The following PDS5B variants were observed in gnomAD, a reference collection of about 807,000 sequenced individuals.
PDS5B encodes the protein sister chromatid cohesion protein PDS5 homolog B.
Under a neutral mutation model 184.1 loss-of-function variants are expected in PDS5B, and 51 were observed. That is an observed-to-expected ratio of 0.28 (90% confidence interval 0.22 to 0.35). PDS5B has a LOEUF of 0.35. PDS5B is among the 10% of genes least tolerant of loss of function. PDS5B has a pLI of 1.00. For synonymous variants in PDS5B, 566 were observed against 569.2 expected, an observed-to-expected ratio of 0.99 and a Z score of 0.08; for missense variants, 1,180 against 1,723.3, an observed-to-expected ratio of 0.68 and a Z score of 5.58.
intron 24 of PDS5B, among the ~76,000 whole-genome samples, chr13:32,751,182 C>T (rs1041479516): frequency 6.6e-6 from 1 of 152,168 alleles, no homozygotes; most frequent in Non-Finnish European, 1.5e-5. Context: ...CAGCTCCATC[C>T]ATATTGCTGC....
At chr13:32,723,205 G>GA (rs1217744842) in intron 19 of PDS5B, among the ~76,000 whole-genome samples, 1 of 151,970 alleles carries the variant, frequency 6.6e-6, no homozygotes, top group Non-Finnish European at 1.5e-5. Context: ...ATTGTTGGTT[G>GA]AAAAAAATGT....
intron 3 of PDS5B, among the ~76,000 whole-genome samples, chr13:32,657,256 T>C (rs192450640): frequency 1.8e-3 from 276 of 152,352 alleles, no homozygotes; most frequent in Middle Eastern, 3.4e-3. Flanking sequence ...TGTGTGTTCC[T>C]TTGTTGGATG....
intron 19 of PDS5B, among the ~76,000 whole-genome samples, chr13:32,722,114 G>T (rs1474823619): frequency 2.6e-5 from 4 of 152,258 alleles, no homozygotes; most frequent in Non-Finnish European, 4.4e-5. Flanking sequence ...CGGCACCTTG[G>T]GAGGCCGAGG....
At chr13:32,611,235 A>T (rs2058137046) in intron 1 of PDS5B, among the ~76,000 whole-genome samples, 1 of 151,812 alleles carries the variant, frequency 6.6e-6, no homozygotes, top group Non-Finnish European at 1.5e-5. Context: ...GTTTTACCTC[A>T]TTTCTCATTT....
chr13:32,767,108 C>T, intron 31 of PDS5B, among the ~76,000 whole-genome samples: 1 of 152,078 alleles, frequency 6.6e-6, no homozygotes, highest in South Asian at 2.1e-4. Context: ...GTTACCAAAT[C>T]TTTTACTATG....
chr13:32,736,822 A>G (rs922265880), intron 21 of PDS5B, among the ~76,000 whole-genome samples: 2 of 151,440 alleles, frequency 1.3e-5, no homozygotes, highest in Non-Finnish European at 2.9e-5. Context: ...CAGCCTCCTC[A>G]TGCTTCAGTT....
In PDS5B at chr13:32,696,586, A is replaced by G. The variant is rs556345021; in HGVS notation, c.1552-268A>G. Among the ~76,000 whole-genome samples, 16 of 151,834 alleles carry G rather than the reference A, an allele frequency of 1.1e-4. No individual in the cohort carries two copies. The South Asian group carries it at 3.3e-3, about 32-fold the overall frequency. On this transcript the variant is annotated intron_variant, in intron 14 of 34. Transcript: ENST00000315596. ...CAAAACCCCAAAATACGTACCTGTT[A>G]CAAAATGTAGTGCAGCTGTCTGATT...
At chr13:32,631,921 A>G (rs2140576244) in intron 1 of PDS5B, among the ~76,000 whole-genome samples, 1 of 152,338 alleles carries the variant, frequency 6.6e-6, no homozygotes, top group Admixed American at 6.5e-5. Flanking sequence ...CTGAATCAAA[A>G]TTTCTAGAGG....
intron 17 of PDS5B, among the ~76,000 whole-genome samples, chr13:32,702,304 G>A (rs1389632427): frequency 6.6e-6 from 1 of 152,076 alleles, no homozygotes; most frequent in Admixed American, 6.6e-5. Flanking sequence ...TCTTGTATCG[G>A]TTTTCATTTG....
chr13:32,648,898 C>G lies in PDS5B; in HGVS notation c.108+18C>G, dbSNP rs368958350. The stretch of plus-strand genomic sequence containing the variant: ...GATTAAAGGTGAGTAAAATTCTATT[C>G]TTTTTTACATCTGTGTAGGGCAGAG... On this transcript the variant is annotated intron_variant, in intron 2 of 34. Coordinates refer to ENST00000315596, the MANE Select transcript of PDS5B (RefSeq NM_015032.4). 9.4e-7 allele frequency: 1 copy of G among 1,067,784 alleles called. No individual in the cohort carries two copies. The allele number at this position is 1,067,784 out of a possible 1,614,324, so 66.1% of individuals were successfully genotyped here. A position where few individuals can be genotyped will look rare whatever the true frequency, so the allele number is the denominator to read the frequency against.
intron 20 of PDS5B, among the ~76,000 whole-genome samples, chr13:32,734,837 C>G: frequency 6.6e-6 from 1 of 152,098 alleles, no homozygotes. Context: ...ATTGGTGAGC[C>G]CTAGCAGTCT....
intron 1 of PDS5B, among the ~76,000 whole-genome samples, chr13:32,631,433 T>C (rs2058454041): frequency 6.6e-6 from 1 of 152,194 alleles, no homozygotes; most frequent in Non-Finnish European, 1.5e-5. Context: ...ACACATACAT[T>C]GACATTTGTT....
At chr13:32,637,258 T>C (rs2058579480) in intron 1 of PDS5B, among the ~76,000 whole-genome samples, 1 of 151,908 alleles carries the variant, frequency 6.6e-6, no homozygotes, top group Non-Finnish European at 1.5e-5. Context: ...AATGATTTCA[T>C]TTACATTTTG....
intron 1 of PDS5B, among the ~76,000 whole-genome samples, chr13:32,636,423 A>AATTTCCTC (rs1309893942): frequency 3.3e-5 from 5 of 152,174 alleles, no homozygotes; most frequent in African/African-American, 1.2e-4. Context: ...TTGGCATGTA[A>AATTTCCTC]ATTTCCTCAT....
intron 19 of PDS5B, among the ~76,000 whole-genome samples, chr13:32,719,716 G>T (rs1165620147): frequency 6.6e-6 from 1 of 151,606 alleles, no homozygotes; most frequent in South Asian, 2.1e-4. Context: ...AAACACAAAT[G>T]ATATGCTGGA....
chr13:32,768,976 C>G (rs977079539), intron 31 of PDS5B, among the ~76,000 whole-genome samples: 11 of 146,410 alleles, frequency 7.5e-5, no homozygotes, highest in African/African-American at 2.5e-4. Flanking sequence ...AAAAATTAGC[C>G]AGGCGTGGTT....
At chr13:32,600,395 A>G (rs991594980) in intron 1 of PDS5B, among the ~76,000 whole-genome samples, 1 of 152,176 alleles carries the variant, frequency 6.6e-6, no homozygotes, top group African/African-American at 2.4e-5. Flanking sequence ...GGCTGATTAT[A>G]TTGAATTTTT....
intron 30 of PDS5B, among the ~76,000 whole-genome samples, chr13:32,762,900 A>G (rs1040672910): frequency 1.3e-5 from 2 of 152,058 alleles, no homozygotes; most frequent in African/African-American, 4.8e-5. Context: ...CAGAGATCTT[A>G]ATTGGCTTCC....
chr13:32,594,422 G>C (rs1007580148), intron 1 of PDS5B, among the ~76,000 whole-genome samples: 1 of 152,172 alleles, frequency 6.6e-6, no homozygotes, highest in Admixed American at 6.5e-5. Flanking sequence ...TCAATCAAGA[G>C]ATGTATATTC....
Sources: allele counts gnomAD v4.1 joint callset (sites outside exome capture counted in the v4.1 genomes callset), GRCh38; gene constraint gnomAD v4.1.1; transcripts MANE v1.5; gene names NCBI Gene and HGNC (gene_info 2026-07-23, HGNC 2026-07-21).